SORCS1: variants seen among roughly 807,000 people sequenced by gnomAD.
SORCS1 encodes VPS10 domain-containing receptor SorCS1.
A neutral mutation model predicts 146.1 loss-of-function variants in SORCS1; 60 were observed. The observed-to-expected ratio is 0.41, with a 90% CI of 0.33 to 0.51. The LOEUF is 0.51. Among genes scored for constraint, SORCS1 ranks in the 20% least tolerant of loss-of-function variants. The pLI, the probability that SORCS1 is intolerant of heterozygous loss-of-function variation, is 0.21. For synonymous variants in SORCS1, 637 were observed against 584.0 expected (o/e 1.09, Z -1.31); for missense variants, 1,352 against 1,487.6 (o/e 0.91, Z 1.50).
intron 1 of SORCS1, among the ~76,000 whole-genome samples, chr10:106,962,130 T>C (rs1217164037): frequency 6.6e-6 from 1 of 152,072 alleles, no homozygotes; most frequent in African/African-American, 2.4e-5. Flanking sequence ...CTGGGCGTGG[T>C]GGCTCATGCC....
intron 2 of SORCS1, among the ~76,000 whole-genome samples, chr10:106,919,964 G>C (rs1488158089): frequency 6.6e-6 from 1 of 152,162 alleles, no homozygotes; most frequent in African/African-American, 2.4e-5. Flanking sequence ...TCAGGTTTCA[G>C]ATTTAGTCAC....
rs555808297 is a variant in SORCS1 at position 106,746,793 on chromosome 10, A to T, written c.959+14795T>A. Among the ~76,000 whole-genome samples the T allele has an allele frequency of 7.4e-4, 112 of 152,332 alleles. 1 individual carries two copies. The highest frequency in any genetic ancestry group is 2.5e-3 in the Admixed American group (39 of 15,298). ...CAGGAGCTGCTGAAATGTGAGGTCA[A>T]ATGTGAGGCTTGTGCCTGATGTGGT... On this transcript the variant is annotated intron_variant, in intron 5 of 25. Transcript: ENST00000263054.
intron 5 of SORCS1, among the ~76,000 whole-genome samples, chr10:106,731,920 G>A (rs1036009790): frequency 1.3e-5 from 2 of 152,210 alleles, no homozygotes; most frequent in African/African-American, 2.4e-5. Flanking sequence ...AGGACAAGAG[G>A]AAGGAGGTAA....
intron 1 of SORCS1, among the ~76,000 whole-genome samples, chr10:107,144,286 G>T (rs1234357258): frequency 6.6e-6 from 1 of 152,156 alleles, no homozygotes; most frequent in African/African-American, 2.4e-5. Flanking sequence ...CTTAGACTTT[G>T]AACTACTTGA....
At chr10:107,049,431 A>ACC (rs1389822814) in intron 1 of SORCS1, among the ~76,000 whole-genome samples, 2 of 151,964 alleles carry the variant, frequency 1.3e-5, no homozygotes, top group African/African-American at 4.8e-5. Flanking sequence ...AAAAAAATAC[A>ACC]CCCCAGGGCA....
chr10:107,090,661 C>A (rs999086978), intron 1 of SORCS1, among the ~76,000 whole-genome samples: 4 of 152,116 alleles, frequency 2.6e-5, no homozygotes, highest in African/African-American at 9.7e-5. Flanking sequence ...AGCCTAGATG[C>A]TTAGCTGGGG....
intron 2 of SORCS1, among the ~76,000 whole-genome samples, chr10:106,907,340 A>T (rs1951952471): frequency 6.6e-6 from 1 of 152,204 alleles, no homozygotes; most frequent in South Asian, 2.1e-4. Context: ...ACTGACTGAC[A>T]TGAAAATACG....
intron 1 of SORCS1, among the ~76,000 whole-genome samples, chr10:107,049,557 T>C (rs1959911496): frequency 6.6e-6 from 1 of 152,164 alleles, no homozygotes; most frequent in South Asian, 2.1e-4. Context: ...TTCTTCATTG[T>C]TACATTTCTA....
chr10:106,982,175 C>A (rs892085829), intron 1 of SORCS1, among the ~76,000 whole-genome samples: 2 of 152,136 alleles, frequency 1.3e-5, no homozygotes, highest in Non-Finnish European at 2.9e-5. Flanking sequence ...CCTTTAACCA[C>A]AAGATAGGCC....
intron 3 of SORCS1, among the ~76,000 whole-genome samples, chr10:106,817,760 TGCAGACAGG>T (rs1432336743): frequency 1.2e-4 from 19 of 152,244 alleles, no homozygotes. Context: ...GTGAGCTCTC[TGCAGACAGG>T]GCCCTGTGTT....
intron 8 of SORCS1, among the ~76,000 whole-genome samples, chr10:106,705,546 AAGTT>A (rs765689845): frequency 3.0e-4 from 46 of 152,196 alleles, no homozygotes; most frequent in Non-Finnish European, 5.0e-4. Context: ...CAATTAAAAA[AAGTT>A]AGGTATGTTC....
At position 107,100,963 on chromosome 10, in the gene SORCS1, T is replaced by C. The variant is rs148423149; in HGVS notation, c.558+63006A>G. Among the ~76,000 whole-genome samples the C allele has an allele frequency of 1.6e-4, 24 of 152,354 alleles. No individual in the cohort carries two copies. The East Asian group carries it at 4.6e-3, about 29-fold the overall frequency. Reference sequence around the variant, plus strand: ...GCTGCAGAGCAGTGATGCAATCTTATAGCTCACTATAACTTGGAACTCCTG... The same window carrying C: ...GCTGCAGAGCAGTGATGCAATCTTACAGCTCACTATAACTTGGAACTCCTG... On this transcript the variant is annotated intron_variant, in intron 1 of 25. Coordinates refer to ENST00000263054, the MANE Select transcript of SORCS1 (RefSeq NM_052918.5).
chr10:106,630,879 A>T (rs573924090), intron 18 of SORCS1, among the ~76,000 whole-genome samples: 2 of 152,250 alleles, frequency 1.3e-5, no homozygotes, highest in African/African-American at 4.8e-5. Flanking sequence ...CTTTGGAACA[A>T]CAGTTTAGAT....
chr10:106,612,121 C>T, intron 21 of SORCS1, 98 bp from the exon 22 acceptor site: 1 of 866,990 alleles, frequency 1.2e-6, no homozygotes, highest in Non-Finnish European at 1.8e-6. Flanking sequence ...GGTCCTTCCC[C>T]TTCACTTACC....
intron 18 of SORCS1, among the ~76,000 whole-genome samples, chr10:106,645,344 G>A (rs926471653): frequency 4.0e-5 from 6 of 151,834 alleles, no homozygotes; most frequent in Non-Finnish European, 8.8e-5. Context: ...CATTTTGTTT[G>A]TAGCTGTTTT....
chr10:106,876,331 G>A (rs1950588273), intron 2 of SORCS1, among the ~76,000 whole-genome samples: 1 of 152,106 alleles, frequency 6.6e-6, no homozygotes, highest in Admixed American at 6.6e-5. Flanking sequence ...ATCAGCAGAA[G>A]CTCATCCATC....
chr10:106,993,438 T>G (rs12247234), intron 1 of SORCS1, among the ~76,000 whole-genome samples: 62,391 of 152,056 alleles, frequency 0.41, 15,195 homozygotes, highest in African/African-American at 0.69. Context: ...GAAAATTGAG[T>G]AGCAAAGAGA....
rs576147178 is a variant in SORCS1, at chr10:106,892,417, C to T, written c.627-62744G>A. 4.6e-5 allele frequency among the ~76,000 whole-genome samples: 7 copies of T among 152,312 alleles called. No individual in the cohort carries two copies. The South Asian group carries it at 1.4e-3, about 32-fold the overall frequency. Reference sequence around the variant, plus strand: ...ACAGCATATTAACTGGAAAGCTCAGCGACTGTGTAATTTTTATGCTCCACA... The same window carrying T: ...ACAGCATATTAACTGGAAAGCTCAGTGACTGTGTAATTTTTATGCTCCACA... On this transcript the variant is annotated intron_variant, in intron 2 of 25. Coordinates refer to ENST00000263054, the MANE Select transcript of SORCS1 (RefSeq NM_052918.5).
intron 2 of SORCS1, among the ~76,000 whole-genome samples, chr10:106,843,907 G>T (rs1949182940): frequency 6.6e-6 from 1 of 152,074 alleles, no homozygotes; most frequent in Admixed American, 6.6e-5. Context: ...ATTTCCTTTG[G>T]ATATGCACCC....
Sources: gnomAD v4.1 joint callset for allele counts (sites outside exome capture counted in the v4.1 genomes callset) on GRCh38, gnomAD v4.1.1 for gene constraint, MANE v1.5 for transcripts, NCBI Gene and HGNC (gene_info 2026-07-23, HGNC 2026-07-21) for gene names.